The following ENTREP2 variants were observed in gnomAD, a reference collection of about 807,000 sequenced individuals.
ENTREP2 encodes endosomal transmembrane epsin interactor 2.
the ENTREP2 span, among the ~76,000 whole-genome samples, chr15:29,591,896 A>AGAAGAAGAG: frequency 7.0e-6 from 1 of 142,982 alleles, no homozygotes; most frequent in Non-Finnish European, 1.5e-5. Context: ...AAGAAGAAGA[A>AGAAGAAGAG]GAGAGAAAAC....
the ENTREP2 span, among the ~76,000 whole-genome samples, chr15:29,489,447 A>G: frequency 1.3e-5 from 2 of 152,142 alleles, no homozygotes; most frequent in Admixed American, 1.3e-4. Flanking sequence ...ATCTTTATCA[A>G]CAGTCAGCAA....
chr15:29,285,258 G>A, the ENTREP2 span, among the ~76,000 whole-genome samples: 1 of 152,134 alleles, frequency 6.6e-6, no homozygotes, highest in Non-Finnish European at 1.5e-5. Flanking sequence ...GGGGAGAGGA[G>A]ATGAACTTGC....
the ENTREP2 span, among the ~76,000 whole-genome samples, chr15:29,295,566 T>C: frequency 2.6e-5 from 4 of 152,218 alleles, no homozygotes; most frequent in Non-Finnish European, 4.4e-5. Flanking sequence ...ATACATATGA[T>C]ACAGTTTATA....
chr15:29,144,207 TG>T, the ENTREP2 span, among the ~76,000 whole-genome samples: 2 of 152,096 alleles, frequency 1.3e-5, no homozygotes, highest in African/African-American at 4.8e-5. Context: ...TTATTTAAAG[TG>T]GGGAGTTTCA....
chr15:29,162,055 G>A, the ENTREP2 span, among the ~76,000 whole-genome samples: 1,395 of 152,310 alleles, frequency 9.2e-3, 20 homozygotes, highest in African/African-American at 0.031. Flanking sequence ...CTGGAGAAAA[G>A]GAAGGTCTGT....
chr15:29,224,006 G>A, the ENTREP2 span, among the ~76,000 whole-genome samples: 4 of 152,192 alleles, frequency 2.6e-5, no homozygotes, highest in South Asian at 2.1e-4. Flanking sequence ...GAATTGATGG[G>A]TTCTTGGTCG....
chr15:29,604,074 A>G, the ENTREP2 span, among the ~76,000 whole-genome samples: 1 of 152,246 alleles, frequency 6.6e-6, no homozygotes, highest in African/African-American at 2.4e-5. Flanking sequence ...TGACGAGGGA[A>G]ACGGTCACTA....
At chr15:29,171,563 A>T in the ENTREP2 span, among the ~76,000 whole-genome samples, 1 of 152,060 alleles carries the variant, frequency 6.6e-6, no homozygotes, top group South Asian at 2.1e-4. Context: ...TTTTTTTTTA[A>T]GGTATAGTTT....
chr15:29,604,911 G>A, the ENTREP2 span, among the ~76,000 whole-genome samples: 7 of 152,162 alleles, frequency 4.6e-5, no homozygotes, highest in Non-Finnish European at 1.0e-4. Flanking sequence ...AGAAAGGTGG[G>A]CACCTGCAGG....
the ENTREP2 span, among the ~76,000 whole-genome samples, chr15:29,586,211 A>G: frequency 3.3e-4 from 50 of 152,330 alleles, 1 homozygote; most frequent in Non-Finnish European, 5.9e-4. Context: ...GAAAAAAGCC[A>G]GTCACAAAAG....
chr15:29,444,154 CAGAA>C, the ENTREP2 span, among the ~76,000 whole-genome samples: 1 of 54,872 alleles, frequency 1.8e-5, no homozygotes, highest in Non-Finnish European at 4.4e-5. Context: ...GAAAGACAGA[CAGAA>C]AGAAAGACAG....
the ENTREP2 span, among the ~76,000 whole-genome samples, chr15:29,487,275 A>G: frequency 6.6e-6 from 1 of 152,190 alleles, no homozygotes; most frequent in Admixed American, 6.5e-5. Flanking sequence ...ACGCATGCTC[A>G]GAAGAAGCCT....
the ENTREP2 span, among the ~76,000 whole-genome samples, chr15:29,180,995 G>C: frequency 6.6e-6 from 1 of 151,332 alleles, no homozygotes; most frequent in South Asian, 2.1e-4. Context: ...ACAAAGCAAT[G>C]ACAAGATCAA....
the ENTREP2 span, among the ~76,000 whole-genome samples, chr15:29,243,469 CTG>C: frequency 6.6e-6 from 1 of 152,112 alleles, no homozygotes; most frequent in Non-Finnish European, 1.5e-5. Context: ...CACAAGAGCA[CTG>C]TGTATCAACA....
chr15:29,185,917 T>C, the ENTREP2 span, among the ~76,000 whole-genome samples: 2 of 152,192 alleles, frequency 1.3e-5, no homozygotes, highest in African/African-American at 4.8e-5. Flanking sequence ...CTCATTCTGA[T>C]ACTCATTTAG....
At chr15:29,607,314 T>C in the ENTREP2 span, among the ~76,000 whole-genome samples, 1 of 151,756 alleles carries the variant, frequency 6.6e-6, no homozygotes, top group Non-Finnish European at 1.5e-5. Context: ...CTTTTTTTTT[T>C]TTTTTGTCTT....
the ENTREP2 span, among the ~76,000 whole-genome samples, chr15:29,628,337 ATTG>A: frequency 2.0e-5 from 3 of 152,004 alleles, no homozygotes; most frequent in South Asian, 6.2e-4. Context: ...GTTTGTTACT[ATTG>A]TTGTTGAGTT....
the ENTREP2 span, among the ~76,000 whole-genome samples, chr15:29,251,739 T>G: frequency 7.0e-6 from 1 of 142,810 alleles, no homozygotes; most frequent in African/African-American, 2.5e-5. Context: ...GAGTTTTTTT[T>G]GTGACTTTTT....
the ENTREP2 span, among the ~76,000 whole-genome samples, chr15:29,629,901 G>T: frequency 0.063 from 9,572 of 152,126 alleles, 345 homozygotes; most frequent in African/African-American, 0.09. Flanking sequence ...TGGATCACTT[G>T]GGGCCAGGAA....
Sources: allele counts gnomAD v4.1 joint callset (sites outside exome capture counted in the v4.1 genomes callset), GRCh38; gene constraint gnomAD v4.1.1; transcripts MANE v1.5; gene names NCBI Gene and HGNC (gene_info 2026-07-23, HGNC 2026-07-21).